The following ZFYVE28 variants were observed in gnomAD, a reference collection of about 807,000 sequenced individuals.
ZFYVE28 encodes the protein zinc finger FYVE-type containing 28, also known as lateral signaling target protein 2 homolog.
In ZFYVE28, 40 loss-of-function variants were observed where a neutral mutation model predicts 82.1. The ratio of observed to expected loss-of-function variants is 0.49; its 90% CI spans 0.38 to 0.63. ZFYVE28 has a LOEUF of 0.63. Ranked by LOEUF, ZFYVE28 falls within the 30% of genes least tolerant of loss-of-function variation. The pLI is 0.00. For synonymous variants in ZFYVE28, 612 were observed against 546.1 expected (o/e 1.12, Z -1.68); for missense variants, 1,321 against 1,242.1 (o/e 1.06, Z -0.96).
rs984283595 is a variant in ZFYVE28 at position 2,408,729 on chromosome 4, C to A, written c.39+9556G>T. On this transcript the variant is annotated intron_variant, in intron 1 of 12. Coordinates refer to ENST00000290974, the MANE Select transcript of ZFYVE28 (RefSeq NM_020972.3). The surrounding 1 kb of genome is among the most constrained non-coding windows in gnomAD (Gnocchi z 4.3). ...GATGAAGCCCCGCCCAGATGCCACC[C>A]CGCCCAGATGCAGCCCTATCCAGAT... Among the ~76,000 whole-genome samples the A allele has an allele frequency of 6.6e-6, 1 of 152,158 alleles. No individual in the cohort carries two copies. The highest frequency in any genetic ancestry group is 2.4e-5 in the African/African-American group (1 of 41,426).
chr4:2,339,937 CAGGGG>C lies in ZFYVE28; in HGVS notation c.319-287_319-283del, dbSNP rs1253105461. Among the ~76,000 whole-genome samples the C allele has an allele frequency of 1.3e-3, 64 of 48,930 alleles. No homozygotes were observed. The highest frequency in any genetic ancestry group is 2.2e-3 in the Non-Finnish European group (54 of 24,696). The allele number at this position is 48,930 out of a possible 152,430, so 32.1% of individuals were successfully genotyped here. A position where few individuals can be genotyped will look rare whatever the true frequency, so the allele number is the denominator to read the frequency against. The stretch of plus-strand genomic sequence containing the variant: ...CAGGTAAGGGCAGGGGAGGGGAGGG[CAGGGG>C]AGGGGAGGGGAGGGGAAGGTGGACT... On this transcript the variant is annotated intron_variant, in intron 3 of 12. Transcript: ENST00000290974. The surrounding 1 kb of genome is among the most constrained non-coding windows in gnomAD (Gnocchi z 5.0).
intron 7 of ZFYVE28, among the ~76,000 whole-genome samples, chr4:2,310,883 T>C (rs1304955737): frequency 1.3e-5 from 2 of 152,242 alleles, no homozygotes; most frequent in Non-Finnish European, 2.9e-5. Context: ...TATTTCTTCT[T>C]TAAATGTTTA....
chr4:2,334,335 C>T (rs573608709), intron 6 of ZFYVE28, among the ~76,000 whole-genome samples: 4 of 152,090 alleles, frequency 2.6e-5, no homozygotes, highest in South Asian at 2.1e-4. Context: ...AGACTGGCCC[C>T]GGCAGCAGCC....
intron 1 of ZFYVE28, among the ~76,000 whole-genome samples, chr4:2,392,174 G>A (rs1393043057): frequency 6.6e-6 from 1 of 151,906 alleles, no homozygotes; most frequent in Non-Finnish European, 1.5e-5. Context: ...AAAGGGTGGG[G>A]AGGCATATTT....
rs746004554 is a variant in ZFYVE28 at position 2,341,511 on chromosome 4, G to T, written c.285C>A (p.Asp95Glu). 1.2e-6 allele frequency: 2 copies of T among 1,613,880 alleles called. No homozygotes were observed. The highest frequency in any genetic ancestry group is 1.7e-5 in the Admixed American group (1 of 60,026). The change falls in exon 3 of 13, where the codon GAC (aspartate) becomes GAA (glutamate). Residue 95 changes from aspartate to glutamate, a missense_variant. Asp to Glu is a conservative substitution (Grantham distance 45). Coordinates refer to ENST00000290974, the MANE Select transcript of ZFYVE28 (RefSeq NM_020972.3). This position sits in a 1 kb window ranked among gnomAD's most constrained non-coding sequence, Gnocchi z 4.5. ...CGAACCACAGCTGGCCGGCCAGGTTGTCGTGCCGGATCTCCTCAGGGAACT... is the reference window on the plus strand; with the variant it reads ...CGAACCACAGCTGGCCGGCCAGGTTTTCGTGCCGGATCTCCTCAGGGAACT... ...CVKFPEEIRH[D>E]NLAGQLWFGA...
In ZFYVE28 at chr4:2,409,422, TGACCCATCCCCAGGC is replaced by T. The variant is rs988416231; in HGVS notation, c.39+8848_39+8862del. Among the ~76,000 whole-genome samples, 10 of 152,200 alleles carry T rather than the reference TGACCCATCCCCAGGC, an allele frequency of 6.6e-5. No homozygotes were observed. The highest frequency in any genetic ancestry group is 2.4e-4 in the African/African-American group (10 of 41,536). ...ATCATGCCCCCACCTTCCTTGCCTG[TGACCCATCCCCAGGC>T]GACCTCCCAACCCCATCTGCAGCGA... On this transcript the variant is annotated intron_variant, in intron 1 of 12. Transcript: ENST00000290974. This position sits in a 1 kb window ranked among gnomAD's most constrained non-coding sequence, Gnocchi z 4.4.
rs1476075366 is a variant in ZFYVE28 at position 2,356,402 on chromosome 4, C to T, written c.40-2329G>A. ...CCCAGAGCAAGACAGACCCAGACCC[C>T]GCCCCCCCGGCAGTTGGTGTGCCCG... On this transcript the variant is annotated intron_variant, in intron 1 of 12. Coordinates refer to ENST00000290974, the MANE Select transcript of ZFYVE28 (RefSeq NM_020972.3). 3.4e-5 allele frequency among the ~76,000 whole-genome samples: 5 copies of T among 148,778 alleles called. No individual in the cohort carries two copies. In the South Asian group the frequency reaches 6.4e-4, roughly 19 times the overall value.
At chr4:2,329,114 A>C in intron 6 of ZFYVE28, 1 of 700,738 alleles carries the variant, frequency 1.4e-6, no homozygotes, top group South Asian at 1.5e-5. Context: ...TTGCAGTTCC[A>C]CATGAATTTT....
Position 2,339,386 on chromosome 4 carries a change from C to CTT in ZFYVE28, c.521+66_521+67insAA. 6.5e-7 allele frequency: 1 copy of CTT among 1,530,452 alleles called. No homozygotes were observed. Among genetic ancestry groups the CTT allele is most frequent in the Middle Eastern group, 1.8e-4 (1 of 5,612 alleles). The allele number at this position is 1,530,452 out of a possible 1,614,324, so 94.8% of individuals were successfully genotyped here. ...TTCCAGCTTGAAGTATCAGGGTGAGCCCCGGAAGCTGGCACAACCGTCCCC... is the reference window on the plus strand; with the variant it reads ...TTCCAGCTTGAAGTATCAGGGTGAGCTTCCCGGAAGCTGGCACAACCGTCCCC... On this transcript the variant is annotated intron_variant, in intron 4 of 12. Transcript: ENST00000290974. This position sits in a 1 kb window ranked among gnomAD's most constrained non-coding sequence, Gnocchi z 5.0.
In ZFYVE28 at chr4:2,409,689, G is replaced by A. The variant is rs1282020276; in HGVS notation, c.39+8596C>T. ...AGAAGGCTGAGTCCAGTACACCCAC[G>A]GTGGGGTGGGGGGGCTGACCCCTGC... On this transcript the variant is annotated intron_variant, in intron 1 of 12. Transcript: ENST00000290974. The surrounding 1 kb of genome is among the most constrained non-coding windows in gnomAD (Gnocchi z 4.4). Among the ~76,000 whole-genome samples, 1 of 152,388 alleles carries A rather than the reference G, an allele frequency of 6.6e-6. No individual in the cohort carries two copies. The highest frequency in any genetic ancestry group is 1.9e-4 in the East Asian group (1 of 5,188).
chr4:2,359,429 A>C (rs1383680012), intron 1 of ZFYVE28, among the ~76,000 whole-genome samples: 1 of 152,154 alleles, frequency 6.6e-6, no homozygotes, highest in Non-Finnish European at 1.5e-5. Flanking sequence ...CCCAGCCCAG[A>C]GATAGGATAT....
intron 4 of ZFYVE28, among the ~76,000 whole-genome samples, chr4:2,338,609 A>C (rs1269575988): frequency 6.6e-6 from 1 of 152,154 alleles, no homozygotes; most frequent in Non-Finnish European, 1.5e-5. Context: ...TAAATAAATA[A>C]ATAAATAAAT....
At chr4:2,364,308 C>T (rs1188342153) in intron 1 of ZFYVE28, among the ~76,000 whole-genome samples, 3 of 152,226 alleles carry the variant, frequency 2.0e-5, no homozygotes, top group Non-Finnish European at 4.4e-5. Flanking sequence ...GGGTGGACAG[C>T]CAGCCCCACA....
At chr4:2,289,647 A>T (rs1339414381) in intron 8 of ZFYVE28, among the ~76,000 whole-genome samples, 1 of 152,180 alleles carries the variant, frequency 6.6e-6, no homozygotes, top group African/African-American at 2.4e-5. Context: ...AAGCAATGGG[A>T]TTACAGGTGT....
intron 8 of ZFYVE28, among the ~76,000 whole-genome samples, chr4:2,291,249 C>T (rs1170835065): frequency 1.3e-5 from 2 of 152,232 alleles, no homozygotes; most frequent in East Asian, 1.9e-4. Flanking sequence ...CTCTTGCTTT[C>T]GGCTCAGTGA....
At chr4:2,385,365 C>A (rs1033815397) in intron 1 of ZFYVE28, among the ~76,000 whole-genome samples, 16 of 152,326 alleles carry the variant, frequency 1.1e-4, no homozygotes, top group African/African-American at 2.9e-4. Flanking sequence ...CCTTACAGCC[C>A]CAGCGCTGAG....
At chr4:2,351,263 T>TA (rs1724399141) in intron 2 of ZFYVE28, among the ~76,000 whole-genome samples, 1 of 152,200 alleles carries the variant, frequency 6.6e-6, no homozygotes, top group Non-Finnish European at 1.5e-5. Flanking sequence ...GGGAATACCC[T>TA]ACTCATCTGG....
At chr4:2,360,321 T>C (rs1485300344) in intron 1 of ZFYVE28, among the ~76,000 whole-genome samples, 1 of 151,810 alleles carries the variant, frequency 6.6e-6, no homozygotes, top group African/African-American at 2.4e-5. Flanking sequence ...TACCTTGATT[T>C]CAGTAAATTA....
chr4:2,309,178 T>C lies in ZFYVE28; in HGVS notation c.804-3642A>G, dbSNP rs780129024. On this transcript the variant is annotated intron_variant, in intron 7 of 12. Transcript: ENST00000290974. ...CCAAATTAGTTACCACAAGAGTGGG[T>C]TGTCATGAAGTGAGGTTGCCTCTTG... Among the ~76,000 whole-genome samples, 17 of 152,178 alleles carry C rather than the reference T, an allele frequency of 1.1e-4. 1 individual carries two copies. Among genetic ancestry groups the C allele is most frequent in the South Asian group, 4.1e-4 (2 of 4,830 alleles).
Sources: gnomAD v4.1 joint callset for allele counts (sites outside exome capture counted in the v4.1 genomes callset) on GRCh38, gnomAD v4.1.1 for gene constraint, Gnocchi (gnomAD v3.1) non-coding constraint, MANE v1.5 for transcripts, NCBI Gene and HGNC (gene_info 2026-07-23, HGNC 2026-07-21) for gene names.